NT5C2: variants seen among roughly 807,000 people sequenced by gnomAD.
The protein encoded by NT5C2 is 5'-nucleotidase, cytosolic II.
A neutral mutation model predicts 76.1 loss-of-function variants in NT5C2; 58 were observed. The ratio of observed to expected loss-of-function variants is 0.76; its 90% CI spans 0.62 to 0.95. The LOEUF (loss-of-function observed/expected upper bound fraction) is 0.95, where lower values mean the gene tolerates loss of function less well. NT5C2 is among the 40% of genes least tolerant of loss of function. The probability of loss-of-function intolerance (pLI) is 0.00; values close to 1 mark genes in which losing one functional copy is unlikely to be tolerated. For synonymous variants in NT5C2, 229 were observed against 237.4 expected (o/e 0.96, Z 0.32); for missense variants, 478 against 690.3 (o/e 0.69, Z 3.45).
chr10:103,172,278 G>A (rs186859507), intron 3 of NT5C2, among the ~76,000 whole-genome samples: 14 of 141,102 alleles, frequency 9.9e-5, no homozygotes, highest in South Asian at 2.2e-4. Context: ...ACGGAGTCTC[G>A]CTCTGTCACC....
chr10:103,132,609 G>A (rs966010337), intron 4 of NT5C2, among the ~76,000 whole-genome samples: 36 of 151,930 alleles, frequency 2.4e-4, no homozygotes, highest in African/African-American at 8.2e-4. Context: ...ACAGTGGCGC[G>A]ATCTCGGCTC....
rs1250013727 is a variant in NT5C2, at chr10:103,093,211, G to A, written c.1087C>T (p.Arg363Trp). 5.0e-6 allele frequency: 8 copies of A among 1,611,542 alleles called. No individual in the cohort carries two copies. The highest frequency in any genetic ancestry group is 2.2e-5 in the East Asian group (1 of 44,776). The change falls in exon 15 of 19, where the codon CGG becomes TGG. Residue 363 changes from arginine (R) to tryptophan (W), a missense_variant. Physicochemically the swap from Arg to Trp is moderately radical, Grantham distance 101 (BLOSUM62 -3). Coordinates refer to ENST00000404739, the MANE Select transcript of NT5C2 (RefSeq NM_001351169.2). ...IFGDILKSKK[R>W]QGWRTFLVIP... ...ACCAAAAAAGTTCGCCACCCTTGCC[G>A]TTTCTTTGATTTTAAAATGTCCCCA...
intron 3 of NT5C2, among the ~76,000 whole-genome samples, chr10:103,157,495 T>C (rs1231702869): frequency 6.6e-6 from 1 of 152,182 alleles, no homozygotes; most frequent in Non-Finnish European, 1.5e-5. Context: ...GAAGGAACTT[T>C]CCTAGGATGG....
intron 2 of NT5C2, among the ~76,000 whole-genome samples, chr10:103,175,196 G>A (rs1277823966): frequency 1.3e-5 from 2 of 151,970 alleles, no homozygotes; most frequent in African/African-American, 4.8e-5. Flanking sequence ...ATTTCAATCC[G>A]GAAAGATAAC....
At position 103,126,401 on chromosome 10, in the gene NT5C2, A is replaced by G. The variant is rs2076658029; in HGVS notation, c.175+13005T>C. ...CACTTTGGGAGGCCAAGGTGGGCAG[A>G]TCACAAGGTCAGGAGTTCGAGACCA... is the stretch of plus-strand genomic sequence containing the variant. On this transcript the variant is annotated intron_variant, in intron 4 of 18. Coordinates refer to ENST00000404739, the MANE Select transcript of NT5C2 (RefSeq NM_001351169.2). 2.0e-5 allele frequency among the ~76,000 whole-genome samples: 3 copies of G among 152,212 alleles called. No homozygotes were observed. The South Asian group carries it at 6.2e-4, about 31-fold the overall frequency.
rs141131106 is a variant in NT5C2, at chr10:103,186,633, G to T, written c.-168-5305C>A. Among the ~76,000 whole-genome samples, 28 of 152,302 alleles carry T rather than the reference G, an allele frequency of 1.8e-4. No homozygotes were observed. The East Asian group carries it at 5.2e-3, about 28-fold the overall frequency. On this transcript the variant is annotated intron_variant, in intron 1 of 18. Transcript: ENST00000404739. ...AAGGCTTAAAAAAATGGCATTTACT[G>T]GCTGGGTGCGGTGGCTCATGCCTGT...
At chr10:103,116,210 A>C (rs1472266107) in intron 4 of NT5C2, among the ~76,000 whole-genome samples, 1 of 152,186 alleles carries the variant, frequency 6.6e-6, no homozygotes, top group African/African-American at 2.4e-5. Flanking sequence ...ATTTTTACTC[A>C]TACATACAAA....
chr10:103,166,010 G>A (rs1337118644), intron 3 of NT5C2, among the ~76,000 whole-genome samples: 18 of 152,214 alleles, frequency 1.2e-4, no homozygotes, highest in Admixed American at 9.2e-4. Flanking sequence ...TTAATTTGGA[G>A]TAATTGTAGA....
At chr10:103,105,509 C>T in intron 6 of NT5C2, 197 bp downstream of exon 6, 2 of 533,046 alleles carry the variant, frequency 3.8e-6, no homozygotes, top group Non-Finnish European at 6.4e-6. Flanking sequence ...TTAATTTAAA[C>T]AAAATGTAAT....
chr10:103,145,062 A>C (rs1565173162), intron 3 of NT5C2, among the ~76,000 whole-genome samples: 2 of 152,236 alleles, frequency 1.3e-5, no homozygotes, highest in African/African-American at 4.8e-5. Flanking sequence ...GTGTGGAATT[A>C]AATCTAATTT....
At chr10:103,164,920 G>C (rs1464835662) in intron 3 of NT5C2, among the ~76,000 whole-genome samples, 3 of 152,088 alleles carry the variant, frequency 2.0e-5, no homozygotes, top group Non-Finnish European at 4.4e-5. Flanking sequence ...AAGTATAGAG[G>C]GAATGGTAGT....
chr10:103,138,327 T>C (rs1474372766), intron 4 of NT5C2, among the ~76,000 whole-genome samples: 4 of 152,188 alleles, frequency 2.6e-5, no homozygotes, highest in African/African-American at 7.2e-5. Context: ...GCAGGTTACA[T>C]AGGTATACAT....
Position 103,177,761 on chromosome 10 carries a change from T to C in NT5C2, c.-24-2779A>G, listed in dbSNP as rs560652412. 2.0e-5 allele frequency among the ~76,000 whole-genome samples: 3 copies of C among 152,328 alleles called. No individual in the cohort carries two copies. In the South Asian group the frequency reaches 6.2e-4, roughly 32 times the overall value. On this transcript the variant is annotated intron_variant, in intron 2 of 18. Coordinates refer to ENST00000404739, the MANE Select transcript of NT5C2 (RefSeq NM_001351169.2). ...CCAGGCTAAGTCTTTTTTATATAAA[T>C]CACCTCTGTGGCTTTTAAAAAAATA...
At position 103,091,009 on chromosome 10, in the gene NT5C2, GAAAAACTCAGT is replaced by G; in HGVS notation, c.1212-24_1212-14del. On this transcript the variant is annotated splice_polypyrimidine_tract_variant and intron_variant, in intron 16 of 18. Coordinates refer to ENST00000404739, the MANE Select transcript of NT5C2 (RefSeq NM_001351169.2). ...GCTGTCAAGATGCCTAAAGATAAAAGAAAAACTCAGTGAAAATCTCTGGGAAGAGCTTTTTT... is the reference window on the plus strand; with the variant it reads ...GCTGTCAAGATGCCTAAAGATAAAAGGAAAATCTCTGGGAAGAGCTTTTTT... The G allele has an allele frequency of 6.2e-7, 1 of 1,610,090 alleles. No individual in the cohort carries two copies. The highest frequency in any genetic ancestry group is 8.5e-7 in the Non-Finnish European group (1 of 1,177,866).
At chr10:103,113,475 A>T (rs1726285719) in intron 4 of NT5C2, among the ~76,000 whole-genome samples, 1 of 151,908 alleles carries the variant, frequency 6.6e-6, no homozygotes, top group Non-Finnish European at 1.5e-5. Flanking sequence ...TGCTTGTAAT[A>T]CAAAAACAGA....
At chr10:103,120,026 G>T (rs980136228) in intron 4 of NT5C2, among the ~76,000 whole-genome samples, 1 of 151,980 alleles carries the variant, frequency 6.6e-6, no homozygotes, top group African/African-American at 2.4e-5. Flanking sequence ...TTGAGCCTGG[G>T]AGGCAGAGGT....
rs768979537 is a variant in NT5C2, at chr10:103,098,920, A to G, written c.687+11T>C. 8 of 1,580,976 alleles carry G rather than the reference A, an allele frequency of 5.1e-6. No homozygotes were observed. The highest frequency in any genetic ancestry group is 3.3e-5 in the South Asian group (3 of 89,586). On this transcript the variant is annotated intron_variant, in intron 10 of 18. Transcript: ENST00000404739. Reference sequence around the variant, plus strand: ...CTATTATGCAGATCTATTTTCCCCTATATTACTTACATCTTTGACTACATA... The same window carrying G: ...CTATTATGCAGATCTATTTTCCCCTGTATTACTTACATCTTTGACTACATA...
chr10:103,131,222 T>C (rs191473631), intron 4 of NT5C2, among the ~76,000 whole-genome samples: 206 of 152,342 alleles, frequency 1.4e-3, no homozygotes, highest in Non-Finnish European at 2.2e-3. Context: ...TTCACTACAT[T>C]CTAACTCTGA....
At chr10:103,153,931 T>G in intron 3 of NT5C2, 1 of 273,446 alleles carries the variant, frequency 3.7e-6, no homozygotes, top group South Asian at 1.4e-4. Flanking sequence ...TAACTGCTTT[T>G]AAACAAAACA....
Sources: gnomAD v4.1 joint callset for allele counts (sites outside exome capture counted in the v4.1 genomes callset) on GRCh38, gnomAD v4.1.1 for gene constraint, MANE v1.5 for transcripts, NCBI Gene and HGNC (gene_info 2026-07-23, HGNC 2026-07-21) for gene names.